Variants in IQSEC1 observed in about 807,000 individuals in gnomAD.
IQSEC1 encodes IQ motif and SEC7 domain-containing protein 1.
IQSEC1 carries 31 observed loss-of-function variants against 91.0 expected under a neutral mutation model. The observed-to-expected ratio is 0.34, with a 90% CI of 0.26 to 0.46. IQSEC1 has a LOEUF of 0.46. IQSEC1 is among the 20% of genes least tolerant of loss of function. The pLI, the probability that IQSEC1 is intolerant of heterozygous loss-of-function variation, is 1.00. For synonymous variants in IQSEC1, 699 were observed against 662.6 expected, an observed-to-expected ratio of 1.05 and a Z score of -0.84; for missense variants, 1,388 against 1,575.6, an observed-to-expected ratio of 0.88 and a Z score of 2.02.
chr3:13,250,326 A>T (rs1215417264), intron 1 of IQSEC1, among the ~76,000 whole-genome samples: 1 of 152,138 alleles, frequency 6.6e-6, no homozygotes, highest in African/African-American at 2.4e-5. Context: ...AGGCTAGGAC[A>T]AACGCGGGGA....
At chr3:13,116,336 C>T (rs1452332988) in intron 2 of IQSEC1, among the ~76,000 whole-genome samples, 1 of 152,186 alleles carries the variant, frequency 6.6e-6, no homozygotes, top group African/African-American at 2.4e-5. Context: ...TGACTCTGCC[C>T]ATTCTCTCTA....
At chr3:12,957,307 G>A (rs1699969508) in intron 1 of IQSEC1, among the ~76,000 whole-genome samples, 1 of 152,108 alleles carries the variant, frequency 6.6e-6, no homozygotes, top group Non-Finnish European at 1.5e-5. Context: ...CCTATAGCCT[G>A]CCCTCTGCCA....
intron 1 of IQSEC1, among the ~76,000 whole-genome samples, chr3:13,278,123 A>C (rs1212394148): frequency 1.3e-5 from 2 of 152,190 alleles, no homozygotes; most frequent in Non-Finnish European, 2.9e-5. Flanking sequence ...TCTGAATGCC[A>C]CTGAAAACCT....
At chr3:13,069,859 G>C (rs1417322749) in intron 1 of IQSEC1, among the ~76,000 whole-genome samples, 2 of 152,232 alleles carry the variant, frequency 1.3e-5, no homozygotes, top group African/African-American at 4.8e-5. Flanking sequence ...GACCTCAGGT[G>C]TTAGCAAGTT....
Position 12,935,307 on chromosome 3 carries a change from C to T in IQSEC1, c.1568+141G>A, listed in dbSNP as rs1698067730. On this transcript the variant is annotated intron_variant, in intron 3 of 13. Coordinates refer to ENST00000613206, the MANE Select transcript of IQSEC1 (RefSeq NM_001134382.3). This position sits in a 1 kb window ranked among gnomAD's most constrained non-coding sequence, Gnocchi z 8.0. ...GCACAGGCTGGCACCGTCCTAGCCACCGACCTTGTGTGGCAGCTTCCTATG... is the reference window on the plus strand; with the variant it reads ...GCACAGGCTGGCACCGTCCTAGCCATCGACCTTGTGTGGCAGCTTCCTATG... 2.5e-6 allele frequency: 2 copies of T among 803,282 alleles called. No individual in the cohort carries two copies. The highest frequency in any genetic ancestry group is 2.0e-6 in the Non-Finnish European group (1 of 512,254). 49.8% of individuals were successfully genotyped at this position (803,282 alleles called of 1,614,324 possible).
At chr3:12,930,399 C>T (rs1300861159) in intron 3 of IQSEC1, among the ~76,000 whole-genome samples, 1 of 152,222 alleles carries the variant, frequency 6.6e-6, no homozygotes, top group Non-Finnish European at 1.5e-5. Context: ...CCAGGTTTCC[C>T]AGCCTACCCT....
intron 1 of IQSEC1, among the ~76,000 whole-genome samples, chr3:13,005,639 G>A (rs1702604734): frequency 6.6e-6 from 1 of 152,220 alleles, no homozygotes; most frequent in Non-Finnish European, 1.5e-5. Flanking sequence ...ATGTGGCTGG[G>A]GTGATGGAGA....
At chr3:13,072,947 C>T (rs757327397) in intron 1 of IQSEC1, 45 bp downstream of exon 1, 1 of 1,521,568 alleles carries the variant, frequency 6.6e-7, no homozygotes, top group Non-Finnish European at 8.9e-7. Flanking sequence ...CAGCCGGGCC[C>T]CTCTGGCCTC....
At chr3:13,240,972 C>T (rs977586970) in intron 1 of IQSEC1, among the ~76,000 whole-genome samples, 1 of 152,222 alleles carries the variant, frequency 6.6e-6, no homozygotes, top group African/African-American at 2.4e-5. Context: ...AAGTGATCAA[C>T]TTCAGCAGCA....
At chr3:13,244,981 C>T (rs1190057370) in intron 1 of IQSEC1, among the ~76,000 whole-genome samples, 2 of 152,158 alleles carry the variant, frequency 1.3e-5, no homozygotes, top group African/African-American at 2.4e-5. Context: ...CCCACAGTCT[C>T]GAGAAGCACT....
upstream of IQSEC1, among the ~76,000 whole-genome samples, chr3:13,073,876 T>C (rs1013551121): frequency 3.3e-5 from 5 of 152,206 alleles, no homozygotes; most frequent in Admixed American, 1.3e-4. Flanking sequence ...TCATAACAGC[T>C]ATACCACGGG....
rs1703061162 is a variant in IQSEC1 at position 13,015,166 on chromosome 3, AGGGCCTCAGTTTACTCGGCTGTAAACT to A, written c.23+57799_23+57825del. ...ACTTCTGACTTCTGTGTGACTTCTG[AGGGCCTCAGTTTACTCGGCTGTAAACT>A]GGGCATTGTCAAGAGTCCATCTTTC... On this transcript the variant is annotated intron_variant, in intron 1 of 13. Transcript: ENST00000613206. Among the ~76,000 whole-genome samples, 5 of 152,246 alleles carry A rather than the reference AGGGCCTCAGTTTACTCGGCTGTAAACT, an allele frequency of 3.3e-5. No individual in the cohort carries two copies. In the South Asian group the frequency reaches 1.0e-3, roughly 32 times the overall value.
At chr3:13,016,240 G>A (rs1703125584) in intron 1 of IQSEC1, among the ~76,000 whole-genome samples, 1 of 152,226 alleles carries the variant, frequency 6.6e-6, no homozygotes, top group African/African-American at 2.4e-5. Context: ...CCTCCTCCAG[G>A]AAGCCTCCTC....
At chr3:12,993,017 G>C (rs1485592073) in intron 1 of IQSEC1, among the ~76,000 whole-genome samples, 1 of 152,108 alleles carries the variant, frequency 6.6e-6, no homozygotes, top group Non-Finnish European at 1.5e-5. Context: ...CTAAGACCCT[G>C]GCCCAGGAGT....
chr3:13,006,213 G>A (rs1444739922), intron 1 of IQSEC1, among the ~76,000 whole-genome samples: 3 of 152,174 alleles, frequency 2.0e-5, no homozygotes, highest in Non-Finnish European at 2.9e-5. Flanking sequence ...CCCTCCCCTT[G>A]GGCATACGAC....
At chr3:13,174,024 C>T (rs1322927765) in intron 1 of IQSEC1, among the ~76,000 whole-genome samples, 1 of 152,142 alleles carries the variant, frequency 6.6e-6, no homozygotes, top group African/African-American at 2.4e-5. Context: ...GGCCAAGACA[C>T]AAGGGCTCGA....
At chr3:13,032,740 C>T (rs1344716904) in intron 1 of IQSEC1, among the ~76,000 whole-genome samples, 2 of 152,150 alleles carry the variant, frequency 1.3e-5, no homozygotes, top group South Asian at 2.1e-4. Context: ...CCCGCCACCA[C>T]ACCCAGCTAA....
intron 1 of IQSEC1, among the ~76,000 whole-genome samples, chr3:12,980,001 C>T (rs566772023): frequency 6.6e-6 from 1 of 152,346 alleles, no homozygotes; most frequent in African/African-American, 2.4e-5. Context: ...GAGGCCTCCA[C>T]GTCCTGTTCC....
rs966175088 is a variant in IQSEC1, at chr3:12,940,993, G to T, written c.318+578C>A. 3.3e-5 allele frequency among the ~76,000 whole-genome samples: 5 copies of T among 152,232 alleles called. No individual in the cohort carries two copies. The highest frequency in any genetic ancestry group is 7.3e-5 in the Non-Finnish European group (5 of 68,032). ...GGTCTGGGCCACCTCTAAGGGCCAA[G>T]GCCCCTGGGGGAGGGGTGCAGTCTT... On this transcript the variant is annotated intron_variant, in intron 2 of 13. Coordinates refer to ENST00000613206, the MANE Select transcript of IQSEC1 (RefSeq NM_001134382.3). The surrounding 1 kb of genome is among the most constrained non-coding windows in gnomAD (Gnocchi z 4.4).
Sources: gnomAD v4.1 joint callset for allele counts (sites outside exome capture counted in the v4.1 genomes callset) on GRCh38, gnomAD v4.1.1 for gene constraint, Gnocchi (gnomAD v3.1) non-coding constraint, MANE v1.5 for transcripts, NCBI Gene and HGNC (gene_info 2026-07-23, HGNC 2026-07-21) for gene names.